TBC1D2: variants seen among roughly 807,000 people sequenced by gnomAD.
The protein encoded by TBC1D2 is TBC1 domain family member 2A.
Under a neutral mutation model 91.1 loss-of-function variants are expected in TBC1D2, and 58 were observed. The observed-to-expected ratio is 0.64, with a 90% CI of 0.52 to 0.79. The LOEUF is 0.79. Among genes scored for constraint, TBC1D2 ranks in the 30% least tolerant of loss-of-function variants. The pLI, the probability that TBC1D2 is intolerant of heterozygous loss-of-function variation, is 0.00. For synonymous variants in TBC1D2, 482 were observed against 511.5 expected (o/e 0.94, Z 0.78); for missense variants, 1,080 against 1,208.3 (o/e 0.89, Z 1.57).
chr9:98,246,825 G>A (rs970025177), intron 2 of TBC1D2, among the ~76,000 whole-genome samples: 4 of 152,056 alleles, frequency 2.6e-5, no homozygotes, highest in African/African-American at 9.7e-5. Flanking sequence ...CTGAGTTTGC[G>A]GGGAGGAAGC....
Position 98,201,504 on chromosome 9 carries a change from T to A in TBC1D2, c.2432A>T (p.Asp811Val). 1 of 1,614,018 alleles carries A rather than the reference T, an allele frequency of 6.2e-7. No homozygotes were observed. The highest frequency in any genetic ancestry group is 8.5e-7 in the Non-Finnish European group (1 of 1,179,982). The part of the protein sequence containing the change: ...LISNILLRVW[D>V]AFLYEGTKVV... The stretch of plus-strand genomic sequence containing the variant: ...CTTCGTCCCCTCGTACAGGAAGGCA[T>A]CCCAGACCCGAAGGAGGATGTTGCT... The change falls in exon 11 of 13, where the codon GAT (aspartate) becomes GTT (valine). Residue 811 changes from aspartate (D) to valine (V), a missense_variant. Physicochemically the swap from Asp to Val is radical, Grantham distance 152. Transcript: ENST00000465784.
At position 98,214,711 on chromosome 9, in the gene TBC1D2, T is replaced by G. The variant is rs553162469; in HGVS notation, c.1375-1493A>C. 5.3e-4 allele frequency among the ~76,000 whole-genome samples: 81 copies of G among 152,306 alleles called. 1 individual carries two copies. Among genetic ancestry groups the G allele is most frequent in the African/African-American group, 1.9e-3 (78 of 41,564 alleles). On this transcript the variant is annotated intron_variant, in intron 6 of 12. Coordinates refer to ENST00000465784, the MANE Select transcript of TBC1D2 (RefSeq NM_001267571.2). ...GCCCACAGGTGGTCCTGGCCCTCCC[T>G]GGGTGGGTCTTCACTCTGGCCAAGA...
chr9:98,251,036 CAGCACTTTGGG>C (rs1292617142), intron 2 of TBC1D2, among the ~76,000 whole-genome samples: 1 of 152,128 alleles, frequency 6.6e-6, no homozygotes, highest in African/African-American at 2.4e-5. Context: ...CCTGTAATCC[CAGCACTTTGGG>C]AGGCTGAGGC....
chr9:98,238,917 T>G (rs1829572516), intron 3 of TBC1D2, among the ~76,000 whole-genome samples: 1 of 151,960 alleles, frequency 6.6e-6, no homozygotes, highest in African/African-American at 2.4e-5. Flanking sequence ...GAGATGGGAT[T>G]TCACCATATT....
Position 98,199,263 on chromosome 9 carries a change from C to T in TBC1D2, c.*118G>A. The T allele has an allele frequency of 9.1e-7, 1 of 1,104,202 alleles. No individual in the cohort carries two copies. Among genetic ancestry groups the T allele is most frequent in the African/African-American group, 1.5e-5 (1 of 64,890 alleles). The allele number at this position is 1,104,202 out of a possible 1,614,324, so 68.4% of individuals were successfully genotyped here. On this transcript the variant is annotated 3_prime_UTR_variant, in exon 13 of 13. Transcript: ENST00000465784. Reference sequence around the variant, plus strand: ...ACTGAGGGCCAGAGAGGGGAAGGGACATGTCCAAGGTCACATGGTGATGGG... The same window carrying T: ...ACTGAGGGCCAGAGAGGGGAAGGGATATGTCCAAGGTCACATGGTGATGGG...
In TBC1D2 at chr9:98,243,265, C is replaced by G. The variant is rs186263180; in HGVS notation, c.647+729G>C. ...CATTTGTGAAACCATCACTACATCACATTCAATATGATCTCATTTATGCAA... is the reference window on the plus strand; with the variant it reads ...CATTTGTGAAACCATCACTACATCAGATTCAATATGATCTCATTTATGCAA... On this transcript the variant is annotated intron_variant, in intron 3 of 12. Coordinates refer to ENST00000465784, the MANE Select transcript of TBC1D2 (RefSeq NM_001267571.2). Among the ~76,000 whole-genome samples the G allele has an allele frequency of 6.1e-3, 932 of 152,040 alleles. 11 individuals carry two copies. The highest frequency in any genetic ancestry group is 0.021 in the African/African-American group (868 of 41,440).
intron 6 of TBC1D2, among the ~76,000 whole-genome samples, chr9:98,215,088 C>T (rs1019508480): frequency 6.6e-6 from 1 of 152,202 alleles, no homozygotes; most frequent in African/African-American, 2.4e-5. Context: ...GCTTCACTGC[C>T]TCTCAAAAAT....
intron 4 of TBC1D2, among the ~76,000 whole-genome samples, chr9:98,230,575 C>G (rs1829342608): frequency 6.6e-6 from 1 of 152,168 alleles, no homozygotes; most frequent in South Asian, 2.1e-4. Flanking sequence ...GCTGGCCAAA[C>G]AGTCTTGAAC....
intron 9 of TBC1D2, among the ~76,000 whole-genome samples, chr9:98,205,561 T>A (rs1324579964): frequency 6.6e-6 from 1 of 152,178 alleles, no homozygotes. Flanking sequence ...TCTTTTCTTT[T>A]TTTGAGACAG....
At chr9:98,219,370 T>TTTTTTATTTC (rs1829041207) in intron 6 of TBC1D2, among the ~76,000 whole-genome samples, 2 of 151,868 alleles carry the variant, frequency 1.3e-5, no homozygotes, top group African/African-American at 4.8e-5. Context: ...TCCTGATTTC[T>TTTTTTATTTC]TTTTTTTTCT....
chr9:98,225,310 C>G (rs1829205188), intron 5 of TBC1D2, among the ~76,000 whole-genome samples: 1 of 151,804 alleles, frequency 6.6e-6, no homozygotes, highest in African/African-American at 2.4e-5. Flanking sequence ...TCCTAGAGCC[C>G]AAACCTCTTG....
At chr9:98,223,598 C>T (rs1829150882) in intron 5 of TBC1D2, among the ~76,000 whole-genome samples, 1 of 152,072 alleles carries the variant, frequency 6.6e-6, no homozygotes, top group Non-Finnish European at 1.5e-5. Flanking sequence ...TTCAGACTTG[C>T]CCTAGGAGCA....
At chr9:98,221,284 C>G (rs7855855) in intron 5 of TBC1D2, 56 bp from the exon 6 acceptor site, 764,416 of 1,478,312 alleles carry the variant, frequency 0.52, 200,703 homozygotes, top group African/African-American at 0.76. Context: ...CTGGGCGCCA[C>G]AGTGGGGTAT....
In TBC1D2 at chr9:98,203,418, T is replaced by A. The variant is rs201885040; in HGVS notation, c.2151-10A>T. On this transcript the variant is annotated splice_polypyrimidine_tract_variant and intron_variant, in intron 9 of 12. Transcript: ENST00000465784. ...GGCAATGGCCGCCAGCCTGGAGTAGTAGGGAAGGCCTGGAGTGATTACAGA... is the reference window on the plus strand; with the variant it reads ...GGCAATGGCCGCCAGCCTGGAGTAGAAGGGAAGGCCTGGAGTGATTACAGA... The A allele has an allele frequency of 1.9e-5, 31 of 1,613,762 alleles. No homozygotes were observed. The East Asian group carries it at 6.7e-4, about 35-fold the overall frequency.
intron 4 of TBC1D2, 145 bp downstream of exon 4, chr9:98,233,271 G>T: frequency 8.8e-7 from 1 of 1,139,380 alleles, no homozygotes; most frequent in Non-Finnish European, 1.2e-6. Flanking sequence ...AAGCCACGCA[G>T]TCTATGGTGT....
chr9:98,205,178 G>A (rs1304657097), intron 9 of TBC1D2, among the ~76,000 whole-genome samples: 1 of 152,172 alleles, frequency 6.6e-6, no homozygotes, highest in South Asian at 2.1e-4. Context: ...CTAGCCCAGT[G>A]CTCTCTCCAC....
intron 6 of TBC1D2, among the ~76,000 whole-genome samples, chr9:98,216,922 C>G (rs540071237): frequency 1.3e-5 from 2 of 152,282 alleles, no homozygotes; most frequent in South Asian, 4.1e-4. Context: ...AGGCTGGTCT[C>G]AAACTCCTGG....
chr9:98,255,329 G>A lies in TBC1D2; in HGVS notation c.213C>T (p.Tyr71=), dbSNP rs754187384. 3.1e-6 allele frequency: 5 copies of A among 1,614,242 alleles called. No homozygotes were observed. In the East Asian group the frequency reaches 6.7e-5, roughly 22 times the overall value. ...IRGWKSRWFF[Y]DERKCQLYYS... ...AATACAGCTGACATTTCCTTTCGTC[G>A]TAGAAGAACCAGCGGGATTTCCAGC... The change falls in exon 1 of 13, where the codon TAC becomes TAT. Residue 71 remains tyrosine (Y), a synonymous_variant. Coordinates refer to ENST00000465784, the MANE Select transcript of TBC1D2 (RefSeq NM_001267571.2).
intron 3 of TBC1D2, chr9:98,234,830 C>T (rs73488731): frequency 0.11 from 21,131 of 195,658 alleles, 3,058 homozygotes; most frequent in African/African-American, 0.37. Flanking sequence ...AATATCACTG[C>T]GTCAGGTCAA....
Sources: gnomAD v4.1 joint callset for allele counts (sites outside exome capture counted in the v4.1 genomes callset) on GRCh38, gnomAD v4.1.1 for gene constraint, MANE v1.5 for transcripts, NCBI Gene and HGNC (gene_info 2026-07-23, HGNC 2026-07-21) for gene names.